The following BBS9 variants were observed in gnomAD, a reference collection of about 807,000 sequenced individuals.
BBS9 encodes Bardet-Biedl syndrome 9, also known as protein PTHB1.
Under a neutral mutation model 117.7 loss-of-function variants are expected in BBS9, and 89 were observed. The ratio of observed to expected loss-of-function variants is 0.76; its 90% confidence interval spans 0.64 to 0.90. BBS9 has a LOEUF of 0.90. Ranked by LOEUF, BBS9 falls within the 40% of genes least tolerant of loss-of-function variation. The probability of loss-of-function intolerance (pLI) is 0.00; values close to 1 mark genes in which losing one functional copy is unlikely to be tolerated. For synonymous variants in BBS9, 379 were observed against 370.9 expected, an observed-to-expected ratio of 1.02 and a Z score of -0.25; for missense variants, 982 against 1,042.2, an observed-to-expected ratio of 0.94 and a Z score of 0.80.
chr7:33,193,393 A>G (rs1368285846), intron 5 of BBS9, among the ~76,000 whole-genome samples: 5 of 141,748 alleles, frequency 3.5e-5, no homozygotes, highest in African/African-American at 1.0e-4. Flanking sequence ...TGTCTTTCGC[A>G]TATTGTCTTC....
chr7:33,394,126 A>G lies in BBS9; in HGVS notation c.2115+5982A>G, dbSNP rs117745522. Among the ~76,000 whole-genome samples the G allele has an allele frequency of 4.9e-4, 74 of 152,314 alleles. No homozygotes were observed. The East Asian group carries it at 0.014, about 28-fold the overall frequency. On this transcript the variant is annotated intron_variant, in intron 19 of 22. Transcript: ENST00000242067. ...ATTATCAATCTGGGAAAAGCAGAGC[A>G]TGATTCTTACAGGGGAAGGATTTGG... is the stretch of plus-strand genomic sequence containing the variant.
At chr7:33,183,314 G>A (rs1798348332) in intron 5 of BBS9, among the ~76,000 whole-genome samples, 1 of 151,912 alleles carries the variant, frequency 6.6e-6, no homozygotes, top group African/African-American at 2.4e-5. Flanking sequence ...AAGACAAAAT[G>A]GAGAAAATTC....
chr7:33,175,069 C>T lies in BBS9; in HGVS notation c.329-2409C>T, dbSNP rs566804206. Among the ~76,000 whole-genome samples the T allele has an allele frequency of 3.6e-4, 55 of 152,184 alleles. 1 individual carries two copies. The South Asian group carries it at 8.5e-3, about 24-fold the overall frequency. Reference sequence around the variant, plus strand: ...CTGTAATCCCAGCACTTTGGGAGGCCGAGGCGAGTGGAACACCTGAGGTCA... The same window carrying T: ...CTGTAATCCCAGCACTTTGGGAGGCTGAGGCGAGTGGAACACCTGAGGTCA... On this transcript the variant is annotated intron_variant, in intron 4 of 22. Transcript: ENST00000242067.
At chr7:33,429,030 T>TA (rs1030497019) in intron 19 of BBS9, among the ~76,000 whole-genome samples, 1 of 152,206 alleles carries the variant, frequency 6.6e-6, no homozygotes, top group African/African-American at 2.4e-5. Context: ...AAAGACTAGG[T>TA]AAAGTCCTAG....
intron 21 of BBS9, among the ~76,000 whole-genome samples, chr7:33,633,912 CAG>C (rs769887251): frequency 6.6e-6 from 1 of 152,182 alleles, no homozygotes; most frequent in Non-Finnish European, 1.5e-5. Context: ...ACCCTGCCTG[CAG>C]AGTCTTCCCC....
In BBS9 at chr7:33,318,340, T is replaced by C. The variant is rs562738235; in HGVS notation, c.1017-18101T>C. On this transcript the variant is annotated intron_variant, in intron 9 of 22. Coordinates refer to ENST00000242067, the MANE Select transcript of BBS9 (RefSeq NM_198428.3). ...GAGTCTTTACATATATTGGTCCTTC[T>C]TGAAAGAAGCTTTTACAACATTTGT... 1.0e-3 allele frequency among the ~76,000 whole-genome samples: 159 copies of C among 152,268 alleles called. 1 individual carries two copies. The highest frequency in any genetic ancestry group is 4.1e-4 in the South Asian group (2 of 4,830).
intron 21 of BBS9, among the ~76,000 whole-genome samples, chr7:33,585,097 C>T (rs184960197): frequency 3.3e-5 from 5 of 152,074 alleles, no homozygotes; most frequent in Non-Finnish European, 2.9e-5. Flanking sequence ...GCCACTTTCT[C>T]TCCTTTGTAA....
At chr7:33,299,966 A>G (rs1562958349) in intron 9 of BBS9, among the ~76,000 whole-genome samples, 1 of 152,156 alleles carries the variant, frequency 6.6e-6, no homozygotes, top group Non-Finnish European at 1.5e-5. Flanking sequence ...TGTTCACTCA[A>G]ATGGGGTAAT....
chr7:33,383,983 ATTCCTGC>A, intron 18 of BBS9, 145 bp downstream of exon 18: 1 of 858,082 alleles, frequency 1.2e-6, no homozygotes, highest in Non-Finnish European at 1.8e-6. Context: ...TCGTGAATCC[ATTCCTGC>A]CCACTTGCCC....
chr7:33,511,218 C>T (rs567946439), intron 20 of BBS9, among the ~76,000 whole-genome samples: 17 of 152,252 alleles, frequency 1.1e-4, no homozygotes, highest in Admixed American at 2.0e-4. Flanking sequence ...CCTCTTTGCC[C>T]TTCCTGATCT....
intron 21 of BBS9, among the ~76,000 whole-genome samples, chr7:33,596,299 CTT>C (rs1403245248): frequency 2.8e-5 from 4 of 143,450 alleles, no homozygotes; most frequent in Admixed American, 6.9e-5. Context: ...CACACACACA[CTT>C]ATATATGTGT....
intron 19 of BBS9, among the ~76,000 whole-genome samples, chr7:33,481,249 G>A (rs1394015684): frequency 6.6e-6 from 1 of 152,186 alleles, no homozygotes; most frequent in African/African-American, 2.4e-5. Flanking sequence ...GATAGGTGAT[G>A]AGTGATCCAA....
At chr7:33,410,423 C>G (rs1349583294) in intron 19 of BBS9, among the ~76,000 whole-genome samples, 1 of 152,114 alleles carries the variant, frequency 6.6e-6, no homozygotes, top group African/African-American at 2.4e-5. Flanking sequence ...ATCTTAGTTT[C>G]ATCTTGGTCA....
chr7:33,549,851 T>C (rs1451536144), intron 21 of BBS9, among the ~76,000 whole-genome samples: 1 of 152,174 alleles, frequency 6.6e-6, no homozygotes, highest in Non-Finnish European at 1.5e-5. Context: ...AGATAGAGTA[T>C]CTCAAGAACA....
At chr7:33,144,777 A>G (rs1245199791) in intron 1 of BBS9, among the ~76,000 whole-genome samples, 1 of 152,192 alleles carries the variant, frequency 6.6e-6, no homozygotes, top group East Asian at 1.9e-4. Flanking sequence ...CAACTTTAGG[A>G]TGTTGTGAGA....
At chr7:33,598,959 C>T (rs1255687128) in intron 21 of BBS9, among the ~76,000 whole-genome samples, 1 of 152,198 alleles carries the variant, frequency 6.6e-6, no homozygotes, top group Admixed American at 6.5e-5. Flanking sequence ...TTTATTGGAA[C>T]ACAGCCAGTG....
At chr7:33,302,736 G>T (rs1806754105) in intron 9 of BBS9, among the ~76,000 whole-genome samples, 1 of 152,082 alleles carries the variant, frequency 6.6e-6, no homozygotes, top group Non-Finnish European at 1.5e-5. Context: ...TGTTCTTCTT[G>T]CTTAGGATAG....
chr7:33,585,234 C>A (rs1399341217), intron 21 of BBS9, among the ~76,000 whole-genome samples: 1 of 152,042 alleles, frequency 6.6e-6, no homozygotes, highest in Non-Finnish European at 1.5e-5. Flanking sequence ...TGTGCTAATT[C>A]CTTTTTTACT....
At chr7:33,407,675 C>G (rs1243072026) in intron 19 of BBS9, among the ~76,000 whole-genome samples, 1 of 152,200 alleles carries the variant, frequency 6.6e-6, no homozygotes, top group Non-Finnish European at 1.5e-5. Flanking sequence ...AGCTGCAGGT[C>G]TGTTGGAGTT....
Sources: gnomAD v4.1 joint callset for allele counts (sites outside exome capture counted in the v4.1 genomes callset) on GRCh38, gnomAD v4.1.1 for gene constraint, MANE v1.5 for transcripts, NCBI Gene and HGNC (gene_info 2026-07-23, HGNC 2026-07-21) for gene names.